The following C3orf20 variants were observed in gnomAD, a reference collection of about 807,000 sequenced individuals.
C3orf20 encodes the protein family with sequence similarity 149 member C, also known as uncharacterized protein C3orf20.
In C3orf20, 76 loss-of-function variants were observed where a neutral mutation model predicts 88.3. That is an observed-to-expected ratio of 0.86 (90% CI 0.72 to 1.04). The LOEUF (loss-of-function observed/expected upper bound fraction) is 1.04, where lower values mean the gene tolerates loss of function less well. Ranked by LOEUF, C3orf20 falls within the 50% of genes least tolerant of loss-of-function variation. The pLI is 0.00. For missense variants in C3orf20, 1,056 were observed against 1,123.3 expected (o/e 0.94, Z 0.86); for synonymous variants, 436 against 437.4 (o/e 1.00, Z 0.04).
At chr3:14,747,418 A>G (rs1396960393) in intron 12 of C3orf20, among the ~76,000 whole-genome samples, 1 of 152,174 alleles carries the variant, frequency 6.6e-6, no homozygotes, top group Non-Finnish European at 1.5e-5. Flanking sequence ...TTGTCTTTTG[A>G]AATTTACACC....
intron 11 of C3orf20, among the ~76,000 whole-genome samples, chr3:14,727,717 G>C (rs960221000): frequency 6.6e-6 from 1 of 152,026 alleles, no homozygotes; most frequent in Admixed American, 6.6e-5. Flanking sequence ...ACTTCCAATC[G>C]GTCACACCTC....
intron 12 of C3orf20, among the ~76,000 whole-genome samples, chr3:14,753,695 T>G (rs2035282141): frequency 6.6e-6 from 1 of 152,194 alleles, no homozygotes; most frequent in African/African-American, 2.4e-5. Context: ...GAAATCAAAT[T>G]TCACCTTTTC....
In C3orf20 at chr3:14,761,277, G is replaced by A. The variant is rs528681574; in HGVS notation, c.2353-196G>A. ...CACCGTCCCAGCCTGGGCAGGGGCT[G>A]GACTCAGCCATACCTCCCTGGGCAA... On this transcript the variant is annotated intron_variant, in intron 14 of 16. Transcript: ENST00000253697. 1.1e-4 allele frequency among the ~76,000 whole-genome samples: 17 copies of A among 150,820 alleles called. No homozygotes were observed. The East Asian group carries it at 3.5e-3, about 31-fold the overall frequency.
chr3:14,743,041 A>ACATT (rs956734653), intron 12 of C3orf20, among the ~76,000 whole-genome samples: 3 of 151,884 alleles, frequency 2.0e-5, no homozygotes, highest in Non-Finnish European at 4.4e-5. Context: ...TCATGTCCTC[A>ACATT]CATTTCAAAA....
At position 14,768,659 on chromosome 3, in the gene C3orf20, G is replaced by C. The variant is rs1470241330; in HGVS notation, c.2496-3408G>C. 6.6e-6 allele frequency among the ~76,000 whole-genome samples: 1 copy of C among 151,962 alleles called. No homozygotes were observed. The highest frequency in any genetic ancestry group is 1.5e-5 in the Non-Finnish European group (1 of 68,018). ...TTAAAACTACCTCTTTTCTGGACTG[G>C]GGCCTGAGGGGGCGCTGAGTAGAGA... On this transcript the variant is annotated intron_variant, in intron 15 of 16. Transcript: ENST00000253697. The surrounding 1 kb of genome is among the most constrained non-coding windows in gnomAD (Gnocchi z 4.1).
intron 15 of C3orf20, among the ~76,000 whole-genome samples, chr3:14,763,320 T>C (rs111980539): frequency 0.012 from 1,795 of 152,258 alleles, 51 homozygotes; most frequent in African/African-American, 0.041. Context: ...AAGGCGCCAA[T>C]GGATTTGGTG....
In C3orf20 at chr3:14,759,433, A is replaced by G. The variant is rs79781551; in HGVS notation, c.2245-458A>G. 7.9e-3 allele frequency among the ~76,000 whole-genome samples: 1,209 copies of G among 152,284 alleles called. 17 individuals carry two copies. The highest frequency in any genetic ancestry group is 0.028 in the African/African-American group (1,146 of 41,556). The stretch of plus-strand genomic sequence containing the variant: ...TTCAGTTCAGGTCCTCTCCCTGGAT[A>G]TAGTGACTGGGAGGGTCCTGAGGGG... On this transcript the variant is annotated intron_variant, in intron 13 of 16. Transcript: ENST00000253697.
chr3:14,772,733 C>T lies in C3orf20; in HGVS notation c.2631-58C>T. The T allele has an allele frequency of 7.0e-7, 1 of 1,433,928 alleles. No individual in the cohort carries two copies. The highest frequency in any genetic ancestry group is 9.8e-7 in the Non-Finnish European group (1 of 1,020,012). The allele number at this position is 1,433,928 out of a possible 1,614,324, so 88.8% of individuals were successfully genotyped here. A position where few individuals can be genotyped will look rare whatever the true frequency, so the allele number is the denominator to read the frequency against. ...CCCTCCTGGCCCAACCGGGCCTGGG[C>T]TCTGGGCACTGTGAAGAACAGCCCT... On this transcript the variant is annotated intron_variant, in intron 16 of 16. Coordinates refer to ENST00000253697, the MANE Select transcript of C3orf20 (RefSeq NM_032137.5). This position sits in a 1 kb window ranked among gnomAD's most constrained non-coding sequence, Gnocchi z 4.2.
At chr3:14,748,621 T>G (rs1198021703) in intron 12 of C3orf20, among the ~76,000 whole-genome samples, 1 of 152,226 alleles carries the variant, frequency 6.6e-6, no homozygotes, top group Non-Finnish European at 1.5e-5. Context: ...GCTCTCAGTG[T>G]ATCCCTTAAG....
At chr3:14,770,533 C>T (rs1436752383) in intron 15 of C3orf20, among the ~76,000 whole-genome samples, 2 of 152,038 alleles carry the variant, frequency 1.3e-5, no homozygotes, top group East Asian at 3.9e-4. Flanking sequence ...GTAGGATGGC[C>T]CCTGCCTGGA....
intron 1 of C3orf20, among the ~76,000 whole-genome samples, chr3:14,681,384 T>C (rs1309129251): frequency 6.6e-6 from 1 of 152,144 alleles, no homozygotes; most frequent in Non-Finnish European, 1.5e-5. Flanking sequence ...GGAGTGGTTG[T>C]CAGGATAAAA....
At chr3:14,731,324 T>A (rs1272512208) in intron 12 of C3orf20, among the ~76,000 whole-genome samples, 1 of 152,232 alleles carries the variant, frequency 6.6e-6, no homozygotes, top group Non-Finnish European at 1.5e-5. Flanking sequence ...AGCAGTTCAT[T>A]TCTTTTTATT....
At chr3:14,683,343 CT>C in intron 3 of C3orf20, 146 bp downstream of exon 3, 7 of 1,058,590 alleles carry the variant, frequency 6.6e-6, no homozygotes, top group Middle Eastern at 3.1e-4. Flanking sequence ...CATCCTCTCA[CT>C]CCTCCCTGTT....
intron 15 of C3orf20, chr3:14,765,765 A>G (rs1345413770): frequency 6.5e-6 from 1 of 152,844 alleles, no homozygotes; most frequent in Non-Finnish European, 1.5e-5. Context: ...CTCTTTCCTC[A>G]GAGGAGCTGG....
At chr3:14,743,279 C>T (rs956918418) in intron 12 of C3orf20, among the ~76,000 whole-genome samples, 4 of 151,906 alleles carry the variant, frequency 2.6e-5, no homozygotes, top group East Asian at 1.9e-4. Context: ...TTACAGGGCC[C>T]GAGGAAGTCT....
chr3:14,755,781 G>A (rs2035344205), intron 12 of C3orf20, among the ~76,000 whole-genome samples: 1 of 152,266 alleles, frequency 6.6e-6, no homozygotes, highest in South Asian at 2.1e-4. Context: ...TGTAATCCCA[G>A]CACTTTGGGA....
At position 14,715,310 on chromosome 3, in the gene C3orf20, G is replaced by A. The variant is rs1357913317; in HGVS notation, c.1335G>A (p.Leu445=). ...CTAGTTGCCCATATGTCTTAATCTT[G>A]GATGAGGAAGGTGGGACCACCAATG... is the stretch of plus-strand genomic sequence containing the variant. ...LKTSCPYVLI[L]DEEGGTTNDQ... is the part of the protein sequence containing the mutation. The change falls in exon 9 of 17, where the codon TTG becomes TTA. Residue 445 remains leucine (L), a synonymous_variant. Coordinates refer to ENST00000253697, the MANE Select transcript of C3orf20 (RefSeq NM_032137.5). The A allele has an allele frequency of 1.2e-6, 2 of 1,612,346 alleles. No individual in the cohort carries two copies. The highest frequency in any genetic ancestry group is 1.7e-6 in the Non-Finnish European group (2 of 1,179,754).
chr3:14,705,173 A>G (rs2033448602), intron 7 of C3orf20, among the ~76,000 whole-genome samples: 2 of 152,202 alleles, frequency 1.3e-5, no homozygotes. Context: ...TTGTGTCCCA[A>G]CCTTGGATGT....
intron 5 of C3orf20, among the ~76,000 whole-genome samples, chr3:14,695,579 G>A (rs147921495): frequency 4.8e-4 from 73 of 152,222 alleles, no homozygotes; most frequent in African/African-American, 1.9e-4. Flanking sequence ...GTCCAGTGCC[G>A]AAAGTGGGGT....
Sources: allele counts gnomAD v4.1 joint callset (sites outside exome capture counted in the v4.1 genomes callset), GRCh38; gene constraint gnomAD v4.1.1; non-coding constraint Gnocchi (gnomAD v3.1); transcripts MANE v1.5; gene names NCBI Gene and HGNC (gene_info 2026-07-23, HGNC 2026-07-21).